The following ETFA variants were observed in gnomAD, a reference collection of about 807,000 sequenced individuals.
The protein encoded by ETFA is electron transfer flavoprotein subunit alpha.
A neutral mutation model predicts 46.2 loss-of-function variants in ETFA; 22 were observed. The observed-to-expected ratio is 0.48, with a 90% CI of 0.34 to 0.68. The LOEUF (loss-of-function observed/expected upper bound fraction) is 0.68. Among genes scored for constraint, ETFA ranks in the 30% least tolerant of loss-of-function variants. The probability of loss-of-function intolerance (pLI) is 0.01; values close to 1 mark genes in which losing one functional copy is unlikely to be tolerated. For missense variants in ETFA, 345 were observed against 401.1 expected (o/e 0.86, Z 1.19); for synonymous variants, 131 against 139.9 (o/e 0.94, Z 0.45).
At chr15:76,295,936 C>CTTTTTTTTTATTTTTTTTTTTT (rs2039816772) in intron 1 of ETFA, among the ~76,000 whole-genome samples, 199 bp from the exon 2 acceptor site, 1 of 46,602 alleles carries the variant, frequency 2.1e-5, no homozygotes, top group Non-Finnish European at 4.2e-5. Flanking sequence ...CACTAATATT[C>CTTTTTTTTTATTTTTTTTTTTT]TTTTTTTTTT....
chr15:76,281,795 G>C (rs1232541307), intron 8 of ETFA, among the ~76,000 whole-genome samples: 1 of 150,798 alleles, frequency 6.6e-6, no homozygotes, highest in Non-Finnish European at 1.5e-5. Context: ...CAGAACCTGT[G>C]AATATTACCT....
At chr15:76,248,354 C>T (rs1194598895) in intron 9 of ETFA, among the ~76,000 whole-genome samples, 1 of 152,036 alleles carries the variant, frequency 6.6e-6, no homozygotes, top group Non-Finnish European at 1.5e-5. Context: ...AAATGGAATA[C>T]TCACTTCACA....
rs536781745 is a variant in ETFA, at chr15:76,301,044, C to T, written c.40-5307G>A. ...ACCATAACGTCTCAGTACCTCAGTT[C>T]TCTGACTGTAAAATGGAGATGATGA... is the stretch of plus-strand genomic sequence containing the variant. On this transcript the variant is annotated intron_variant, in intron 1 of 11. Transcript: ENST00000557943. Among the ~76,000 whole-genome samples the T allele has an allele frequency of 1.4e-4, 22 of 152,250 alleles. No homozygotes were observed. In the East Asian group the frequency reaches 4.2e-3, roughly 29 times the overall value.
intron 1 of ETFA, among the ~76,000 whole-genome samples, chr15:76,304,856 A>G (rs981943764): frequency 2.0e-5 from 3 of 152,180 alleles, no homozygotes; most frequent in South Asian, 2.1e-4. Context: ...CATCCTGGCT[A>G]ACATGGTGAA....
intron 9 of ETFA, chr15:76,260,773 A>G (rs1567206835): frequency 2.5e-6 from 4 of 1,603,702 alleles, no homozygotes; most frequent in Non-Finnish European, 3.4e-6. Flanking sequence ...AAGGGCACCC[A>G]GTCAGCATAA....
intron 9 of ETFA, among the ~76,000 whole-genome samples, chr15:76,237,588 A>T (rs1193043219): frequency 2.6e-5 from 4 of 152,198 alleles, no homozygotes; most frequent in Non-Finnish European, 5.9e-5. Flanking sequence ...AACTGCTGTT[A>T]TGTGTAAAAT....
chr15:76,278,997 C>T (rs2039622757), intron 8 of ETFA, among the ~76,000 whole-genome samples: 1 of 152,180 alleles, frequency 6.6e-6, no homozygotes, highest in African/African-American at 2.4e-5. Context: ...TCTACTGGAG[C>T]ATTCCCATCA....
intron 9 of ETFA, 87 bp downstream of exon 9, chr15:76,274,325 G>A (rs2039571847): frequency 9.7e-7 from 1 of 1,030,698 alleles, no homozygotes; most frequent in Admixed American, 2.0e-5. Context: ...ACTGAGTAAG[G>A]TAAATCACTG....
At chr15:76,230,576 T>C (rs2039057049) in intron 10 of ETFA, 1 of 108,898 alleles carries the variant, frequency 9.2e-6, no homozygotes, top group African/African-American at 3.5e-5. Context: ...GCCTCTCGAG[T>C]AGCTGGGACT....
intron 9 of ETFA, among the ~76,000 whole-genome samples, chr15:76,256,075 T>TAA (rs2039342831): frequency 6.6e-6 from 1 of 151,886 alleles, no homozygotes; most frequent in East Asian, 1.9e-4. Flanking sequence ...CTGGCCAACA[T>TAA]GGTGAAACCT....
intron 8 of ETFA, among the ~76,000 whole-genome samples, chr15:76,278,996 G>A (rs924321518): frequency 6.6e-6 from 1 of 152,176 alleles, no homozygotes; most frequent in Non-Finnish European, 1.5e-5. Flanking sequence ...CTCTACTGGA[G>A]CATTCCCATC....
chr15:76,267,595 C>T (rs1055363212), intron 9 of ETFA, among the ~76,000 whole-genome samples: 2 of 152,042 alleles, frequency 1.3e-5, no homozygotes, highest in East Asian at 3.8e-4. Context: ...ATTTGCAGGA[C>T]CTCAACAGCA....
chr15:76,265,305 T>C (rs1399075868), intron 9 of ETFA, among the ~76,000 whole-genome samples: 1 of 152,202 alleles, frequency 6.6e-6, no homozygotes, highest in Non-Finnish European at 1.5e-5. Flanking sequence ...GTTCCTCGAC[T>C]CCGTGGTCTG....
chr15:76,259,237 C>T lies in ETFA; in HGVS notation c.816+15175G>A, dbSNP rs1261934978. The stretch of plus-strand genomic sequence containing the variant: ...CCCACAGTGGGCTCCTTGGCTCTCT[C>T]GATGTTGATGTATAAGGGGTCCTGG... On this transcript the variant is annotated intron_variant, in intron 9 of 11. Transcript: ENST00000557943. 19 of 1,556,412 alleles carry T rather than the reference C, an allele frequency of 1.2e-5. No homozygotes were observed. In the South Asian group the frequency reaches 1.4e-4, roughly 12 times the overall value.
At chr15:76,262,235 A>G (rs1305989071) in intron 9 of ETFA, among the ~76,000 whole-genome samples, 1 of 152,104 alleles carries the variant, frequency 6.6e-6, no homozygotes, top group African/African-American at 2.4e-5. Context: ...AGGGAAAAAA[A>G]AGAGGAAAAA....
intron 9 of ETFA, among the ~76,000 whole-genome samples, chr15:76,241,868 C>T (rs1176035145): frequency 0.037 from 3 of 80 alleles, no homozygotes; most frequent in African/African-American, 0.05. Context: ...GATGGAGTCT[C>T]GCTCTGTCGC....
At chr15:76,272,579 A>G (rs2039548323) in intron 9 of ETFA, among the ~76,000 whole-genome samples, 1 of 152,044 alleles carries the variant, frequency 6.6e-6, no homozygotes, top group South Asian at 2.1e-4. Flanking sequence ...ATCTTTTATG[A>G]AATCAGACCT....
chr15:76,247,090 T>G (rs1034398731), intron 9 of ETFA, among the ~76,000 whole-genome samples: 1 of 152,232 alleles, frequency 6.6e-6, no homozygotes, highest in Non-Finnish European at 1.5e-5. Context: ...AGATTTTGAC[T>G]CTTTCCAAAT....
Position 76,295,681 on chromosome 15 carries a change from G to A in ETFA, c.96C>T (p.Ser32=). 6.2e-7 allele frequency: 1 copy of A among 1,613,114 alleles called. No individual in the cohort carries two copies. Among genetic ancestry groups the A allele is most frequent in the Non-Finnish European group, 8.5e-7 (1 of 1,179,594 alleles). Residue 32 remains serine, a synonymous_variant, in exon 2 of 12, where the codon TCC becomes TCT. Coordinates refer to ENST00000557943, the MANE Select transcript of ETFA (RefSeq NM_000126.4). ...TLVIAEHAND[S]LAPITLNTIT... ...TGGTATTTAAAGTAATGGGTGCTAG[G>A]GAATCATTTGCATGCTCAGCTATTA...
Sources: gnomAD v4.1 joint callset for allele counts (sites outside exome capture counted in the v4.1 genomes callset) on GRCh38, gnomAD v4.1.1 for gene constraint, MANE v1.5 for transcripts, NCBI Gene and HGNC (gene_info 2026-07-23, HGNC 2026-07-21) for gene names.